LDLRAD4: variants seen among roughly 807,000 people sequenced by gnomAD.
The protein encoded by LDLRAD4 is low-density lipoprotein receptor class A domain-containing protein 4.
LDLRAD4 carries 5 observed loss-of-function variants against 17.0 expected under a neutral mutation model. The observed-to-expected ratio is 0.29, with a 90% CI of 0.15 to 0.62. The LOEUF (loss-of-function observed/expected upper bound fraction) is 0.62. Among genes scored for constraint, LDLRAD4 ranks in the 20% least tolerant of loss-of-function variants. The pLI is 0.84. For synonymous variants in LDLRAD4, 168 were observed against 171.8 expected, an observed-to-expected ratio of 0.98 and a Z score of 0.17; for missense variants, 340 against 424.7, an observed-to-expected ratio of 0.80 and a Z score of 1.75.
chr18:13,385,634 G>A lies in LDLRAD4; in HGVS notation c.-382-1707G>A, dbSNP rs549327071. Among the ~76,000 whole-genome samples, 12 of 152,274 alleles carry A rather than the reference G, an allele frequency of 7.9e-5. No individual in the cohort carries two copies. In the East Asian group the frequency reaches 2.1e-3, roughly 27 times the overall value. On this transcript the variant is annotated intron_variant, in intron 1 of 5. Coordinates refer to ENST00000359446, the Ensembl canonical transcript of LDLRAD4. ...ATATTTGCACACCAAAAGCATCATC[G>A]AAAAGGGCAGAGAAAAATCAAAGCT...
intron 1 of LDLRAD4, among the ~76,000 whole-genome samples, chr18:13,271,664 T>C (rs1371070346): frequency 6.6e-6 from 1 of 152,228 alleles, no homozygotes; most frequent in Non-Finnish European, 1.5e-5. Context: ...CCTTGTCCTG[T>C]CTTCCTGTAG....
intron 3 of LDLRAD4, among the ~76,000 whole-genome samples, chr18:13,455,907 G>A (rs1364381089): frequency 6.6e-6 from 1 of 152,180 alleles, no homozygotes; most frequent in Non-Finnish European, 1.5e-5. Flanking sequence ...TTATTAGTCT[G>A]TTTTACTCAG....
chr18:13,394,539 A>C (rs1420880153), intron 2 of LDLRAD4, among the ~76,000 whole-genome samples: 1 of 152,236 alleles, frequency 6.6e-6, no homozygotes, highest in Non-Finnish European at 1.5e-5. Flanking sequence ...GAAACATTCC[A>C]ATTAATATTT....
intron 3 of LDLRAD4, 117 bp downstream of exon 4, chr18:13,438,501 AT>A: frequency 1.3e-6 from 1 of 786,380 alleles, no homozygotes; most frequent in East Asian, 2.5e-5. Context: ...AGAGATTTGC[AT>A]TTTCACAAAG....
chr18:13,560,034 G>A lies in LDLRAD4; in HGVS notation c.182-61083G>A, dbSNP rs182826524. 4.2e-4 allele frequency among the ~76,000 whole-genome samples: 64 copies of A among 152,350 alleles called. 2 individuals are homozygous for A. In the Middle Eastern group the frequency reaches 0.027, roughly 65 times the overall value. ...CAGGGCCTTTGCTCTGATAGCTTTT[G>A]AGTATTATATGGGTACTTTTTAGCT... On this transcript the variant is annotated intron_variant, in intron 3 of 5. Coordinates refer to ENST00000359446, the Ensembl canonical transcript of LDLRAD4.
chr18:13,225,111 C>T (rs1482215344), intron 1 of LDLRAD4, among the ~76,000 whole-genome samples: 1 of 152,226 alleles, frequency 6.6e-6, no homozygotes, highest in Non-Finnish European at 1.5e-5. Flanking sequence ...GCTGGGATTA[C>T]AGGTGTGAGC....
At chr18:13,533,723 G>T (rs1049623011) in intron 3 of LDLRAD4, among the ~76,000 whole-genome samples, 1 of 152,122 alleles carries the variant, frequency 6.6e-6, no homozygotes, top group Non-Finnish European at 1.5e-5. Context: ...TTAGAAGGAG[G>T]GATGAGATGG....
At chr18:13,305,900 T>TTTA (rs1466404800) in intron 1 of LDLRAD4, among the ~76,000 whole-genome samples, 1 of 152,128 alleles carries the variant, frequency 6.6e-6, no homozygotes, top group African/African-American at 2.4e-5. Flanking sequence ...TAGACTCTAA[T>TTTA]AAGATTTGAG....
intron 2 of LDLRAD4, among the ~76,000 whole-genome samples, chr18:13,401,539 C>A (rs185437435): frequency 1.3e-3 from 202 of 152,254 alleles, no homozygotes; most frequent in African/African-American, 4.7e-3. Flanking sequence ...TGGGCGGACT[C>A]TCCTGTGCGT....
intron 1 of LDLRAD4, among the ~76,000 whole-genome samples, chr18:13,252,721 CTTTGCTTCT>C (rs1316051546): frequency 3.9e-5 from 6 of 152,196 alleles, no homozygotes; most frequent in Non-Finnish European, 1.5e-5. Flanking sequence ...TGAAGATGCT[CTTTGCTTCT>C]GTGAGGTCAA....
chr18:13,503,931 ACATTACTAATGATAGGCAAGGCT>A (rs1343563414), intron 3 of LDLRAD4, among the ~76,000 whole-genome samples: 2 of 152,226 alleles, frequency 1.3e-5, no homozygotes. Context: ...TTTTTTAATA[ACATTACTAATGATAGGCAAGGCT>A]CATATAGTAC....
intron 1 of LDLRAD4, among the ~76,000 whole-genome samples, chr18:13,359,215 G>A (rs968288933): frequency 7.2e-5 from 11 of 152,344 alleles, no homozygotes; most frequent in Admixed American, 6.5e-4. Context: ...ACTCCAGGGA[G>A]CCAAGAATCT....
At chr18:13,557,311 CA>C (rs1296781383) in intron 3 of LDLRAD4, among the ~76,000 whole-genome samples, 1 of 114,104 alleles carries the variant, frequency 8.8e-6, no homozygotes, top group African/African-American at 3.0e-5. Context: ...AGAAAATAAG[CA>C]AAAAACTAGA....
chr18:13,297,208 A>G (rs568437993), intron 1 of LDLRAD4, among the ~76,000 whole-genome samples: 1 of 152,306 alleles, frequency 6.6e-6, no homozygotes, highest in East Asian at 1.9e-4. Flanking sequence ...CTGAGCAGGG[A>G]TCAGAGCTAA....
intron 1 of LDLRAD4, among the ~76,000 whole-genome samples, chr18:13,254,592 A>T (rs890962788): frequency 6.6e-6 from 1 of 152,216 alleles, no homozygotes; most frequent in Non-Finnish European, 1.5e-5. Flanking sequence ...TGGTTACGGA[A>T]TTGGCCGAGT....
chr18:13,245,635 G>T (rs1262034836), intron 1 of LDLRAD4, among the ~76,000 whole-genome samples: 1 of 152,234 alleles, frequency 6.6e-6, no homozygotes, highest in Non-Finnish European at 1.5e-5. Context: ...AAGACATGTG[G>T]AAAGCAGGGT....
chr18:13,379,331 G>GCC (rs1399636706), intron 1 of LDLRAD4, among the ~76,000 whole-genome samples: 2 of 152,264 alleles, frequency 1.3e-5, no homozygotes, highest in African/African-American at 4.8e-5. Flanking sequence ...CTTGTGTGTG[G>GCC]TGCCCAGATG....
chr18:13,652,476 A>C (rs1326595627), exon 6 of LDLRAD4: 2 of 152,648 alleles, frequency 1.3e-5, no homozygotes, highest in Non-Finnish European at 2.9e-5. Flanking sequence ...AGCTATGATA[A>C]TCAAAAGTCA....
At chr18:13,522,135 G>A (rs2093962145) in intron 3 of LDLRAD4, 1 of 152,016 alleles carries the variant, frequency 6.6e-6, no homozygotes, top group Admixed American at 6.6e-5. Flanking sequence ...TTTGTTTAAG[G>A]TGATAAATGC....
Sources: allele counts gnomAD v4.1 joint callset (sites outside exome capture counted in the v4.1 genomes callset), GRCh38; gene constraint gnomAD v4.1.1; transcripts MANE v1.5; gene names NCBI Gene and HGNC (gene_info 2026-07-23, HGNC 2026-07-21).